Variants in CCDC102B observed in about 807,000 individuals in gnomAD.
CCDC102B encodes the protein coiled-coil domain-containing protein 102B.
Under a neutral mutation model 57.4 loss-of-function variants are expected in CCDC102B, and 75 were observed. The ratio of observed to expected loss-of-function variants is 1.31; its 90% confidence interval spans 1.08 to 1.58. CCDC102B has a LOEUF of 1.58. CCDC102B is among the 40% of genes most tolerant of loss of function. The pLI is 0.00. For missense variants in CCDC102B, 636 were observed against 582.6 expected (o/e 1.09, Z -0.94); for synonymous variants, 206 against 201.9 (o/e 1.02, Z -0.17).
intron 7 of CCDC102B, among the ~76,000 whole-genome samples, chr18:69,024,932 A>G (rs954230322): frequency 6.6e-5 from 10 of 152,096 alleles, no homozygotes; most frequent in Non-Finnish European, 1.2e-4. Context: ...AGAATATATT[A>G]GGAAGATTGA....
intron 6 of CCDC102B, among the ~76,000 whole-genome samples, chr18:68,937,519 A>T (rs1279193528): frequency 6.6e-6 from 1 of 152,036 alleles, no homozygotes; most frequent in Non-Finnish European, 1.5e-5. Context: ...ACTTTGCAAA[A>T]ATGCAATCCA....
upstream of CCDC102B, among the ~76,000 whole-genome samples, chr18:68,794,579 A>G (rs2035566501): frequency 6.6e-6 from 1 of 152,130 alleles, no homozygotes; most frequent in South Asian, 2.1e-4. Context: ...TCCACTAAAA[A>G]AAAATAGCCT....
chr18:68,999,432 A>G (rs1258152709), intron 6 of CCDC102B, among the ~76,000 whole-genome samples: 1 of 150,028 alleles, frequency 6.7e-6, no homozygotes, highest in Non-Finnish European at 1.5e-5. Flanking sequence ...CCCAGTCTCT[A>G]CTGAAAATAG....
chr18:68,898,111 T>C (rs1241742464), intron 6 of CCDC102B, among the ~76,000 whole-genome samples: 1 of 152,124 alleles, frequency 6.6e-6, no homozygotes, highest in Non-Finnish European at 1.5e-5. Flanking sequence ...GGCAGTCTTA[T>C]AGTTTTAATG....
intron 7 of CCDC102B, among the ~76,000 whole-genome samples, chr18:69,022,222 T>TATATATATAA (rs1395799223): frequency 4.3e-4 from 41 of 94,996 alleles, no homozygotes; most frequent in East Asian, 1.5e-3. Flanking sequence ...TATATATATA[T>TATATATATAA]AACACACACA....
intron 2 of CCDC102B, among the ~76,000 whole-genome samples, chr18:68,750,784 C>T (rs1213451196): frequency 1.5e-5 from 2 of 130,826 alleles, no homozygotes; most frequent in Non-Finnish European, 3.1e-5. Context: ...GAACATCACA[C>T]ACCAGGGCCT....
At chr18:68,736,689 T>G (rs7238135) in intron 2 of CCDC102B, among the ~76,000 whole-genome samples, 25,591 of 151,938 alleles carry the variant, frequency 0.17, 2,655 homozygotes, top group African/African-American at 0.29. Flanking sequence ...AGAAGCAAAC[T>G]CAGAAACCTG....
chr18:68,897,363 T>A lies in CCDC102B; in HGVS notation c.1198T>A (p.Leu400Ile), dbSNP rs150871246. Residue 400 changes from leucine (L) to isoleucine (I), a missense_variant, in exon 6 of 8, where the codon TTA becomes ATA. Transcript: ENST00000360242. ...AGAGCTTTTGGATAAGAAAAATAGA[T>A]TAAGTGCAAACTCTCAAAGTCCTGA... ...MEELLDKKNR[L>I]SANSQSPDFK... is the part of the protein sequence containing the mutation. The A allele has an allele frequency of 1.7e-4, 273 of 1,612,946 alleles. 1 individual carries two copies. In the African/African-American group the frequency reaches 3.3e-3, roughly 19 times the overall value.
chr18:69,035,967 G>A (rs2052280257), intron 7 of CCDC102B, among the ~76,000 whole-genome samples: 1 of 152,100 alleles, frequency 6.6e-6, no homozygotes, highest in Non-Finnish European at 1.5e-5. Context: ...CCCTGGAGCA[G>A]AATTGGAGCA....
At chr18:68,731,125 T>C (rs1022032589) in intron 2 of CCDC102B, among the ~76,000 whole-genome samples, 2 of 152,164 alleles carry the variant, frequency 1.3e-5, no homozygotes, top group Non-Finnish European at 2.9e-5. Flanking sequence ...TAGCTAGGAC[T>C]ACAGACATGC....
rs897107171 is a variant in CCDC102B at position 68,853,118 on chromosome 18, A to G, written c.936+6697A>G. On this transcript the variant is annotated intron_variant, in intron 4 of 7. Transcript: ENST00000360242. ...AATATTTGTGATCTTGCCAAGTTGA[A>G]GTTGAGCTGAGACTACATACAGTTT... Among the ~76,000 whole-genome samples the G allele has an allele frequency of 2.0e-5, 3 of 152,188 alleles. No individual in the cohort carries two copies. The South Asian group carries it at 6.2e-4, about 31-fold the overall frequency.
Position 68,790,818 on chromosome 18 carries a change from C to T in CCDC102B, c.-66-32548C>T, listed in dbSNP as rs552572. Among the ~76,000 whole-genome samples, 781 of 152,048 alleles carry T rather than the reference C, an allele frequency of 5.1e-3. 5 individuals carry two copies. The highest frequency in any genetic ancestry group is 0.041 in the East Asian group (210 of 5,164). ...GTCGCTCACGCTGGGAGCTGTAGACCGGAGCTGTTCCTATTCAGCCATCTT... is the reference window on the plus strand; with the variant it reads ...GTCGCTCACGCTGGGAGCTGTAGACTGGAGCTGTTCCTATTCAGCCATCTT... On this transcript the variant is annotated intron_variant, in intron 2 of 3. Coordinates refer to the CCDC102B transcript ENST00000578970.
intron 6 of CCDC102B, among the ~76,000 whole-genome samples, chr18:68,955,238 A>G (rs1568351207): frequency 6.6e-6 from 1 of 152,174 alleles, no homozygotes; most frequent in Non-Finnish European, 1.5e-5. Context: ...CATTATGGTA[A>G]TGGAGAAATA....
intron 6 of CCDC102B, among the ~76,000 whole-genome samples, chr18:68,978,408 A>C (rs2145283220): frequency 6.6e-6 from 1 of 152,204 alleles, no homozygotes; most frequent in East Asian, 1.9e-4. Context: ...CCTCTAATCC[A>C]AGGTTAAATT....
chr18:69,050,595 C>T lies in CCDC102B; in HGVS notation c.1435-3435C>T, dbSNP rs148548215. Among the ~76,000 whole-genome samples the T allele has an allele frequency of 5.9e-5, 9 of 152,254 alleles. No individual in the cohort carries two copies. In the East Asian group the frequency reaches 1.7e-3, roughly 29 times the overall value. The stretch of plus-strand genomic sequence containing the variant: ...GCTAAATGCTTCATGTCCAGTACCA[C>T]ATAATGCAATCTATAAATGTTATCT... On this transcript the variant is annotated intron_variant, in intron 7 of 7. Transcript: ENST00000360242.
intron 4 of CCDC102B, among the ~76,000 whole-genome samples, chr18:68,850,671 T>C (rs1480476194): frequency 6.6e-6 from 1 of 152,006 alleles, no homozygotes; most frequent in Non-Finnish European, 1.5e-5. Context: ...GCCTACATGG[T>C]TTCACTTCTG....
chr18:68,879,695 T>C (rs975497282), intron 5 of CCDC102B, among the ~76,000 whole-genome samples: 1 of 151,834 alleles, frequency 6.6e-6, no homozygotes, highest in Non-Finnish European at 1.5e-5. Context: ...AGAGTGCCGA[T>C]TGGTGTATTT....
At chr18:68,770,552 CAG>C (rs147283076) in intron 2 of CCDC102B, among the ~76,000 whole-genome samples, 1,726 of 152,268 alleles carry the variant, frequency 0.011, 27 homozygotes, top group African/African-American at 0.034. Context: ...CCTCCTACCT[CAG>C]AGGGGGGAGA....
At chr18:68,885,724 A>G (rs889116563) in intron 5 of CCDC102B, among the ~76,000 whole-genome samples, 2 of 152,084 alleles carry the variant, frequency 1.3e-5, no homozygotes, top group Non-Finnish European at 2.9e-5. Flanking sequence ...CAACTTCTGT[A>G]ACCTCTTTGC....
Sources: gnomAD v4.1 joint callset for allele counts (sites outside exome capture counted in the v4.1 genomes callset) on GRCh38, gnomAD v4.1.1 for gene constraint, MANE v1.5 for transcripts, NCBI Gene and HGNC (gene_info 2026-07-23, HGNC 2026-07-21) for gene names.